ITPR1: variants seen among roughly 807,000 people sequenced by gnomAD.
The protein encoded by ITPR1 is inositol 1,4,5-trisphosphate-gated calcium channel ITPR1.
Under a neutral mutation model 318.4 loss-of-function variants are expected in ITPR1, and 96 were observed. That is an observed-to-expected ratio of 0.30 (90% CI 0.26 to 0.36). The LOEUF is 0.36. ITPR1 is among the 10% of genes least tolerant of loss of function. The probability of loss-of-function intolerance (pLI) is 1.00; values close to 1 mark genes in which losing one functional copy is unlikely to be tolerated. For synonymous variants in ITPR1, 1,312 were observed against 1,289.9 expected, an observed-to-expected ratio of 1.02 and a Z score of -0.37; for missense variants, 2,440 against 3,460.2, an observed-to-expected ratio of 0.71 and a Z score of 7.40.
chr3:4,821,175 G>T (rs1378295830), intron 60 of ITPR1, among the ~76,000 whole-genome samples: 6 of 152,248 alleles, frequency 3.9e-5, no homozygotes, highest in African/African-American at 1.4e-4. Flanking sequence ...GGAAAAGCAG[G>T]CTGGAGGGCT....
chr3:4,506,477 A>G (rs1351187288), intron 2 of ITPR1, among the ~76,000 whole-genome samples: 1 of 152,116 alleles, frequency 6.6e-6, no homozygotes, highest in Non-Finnish European at 1.5e-5. Flanking sequence ...CCAAAATTGC[A>G]TTGTCACTTA....
At chr3:4,832,799 C>T (rs1302731656) in intron 60 of ITPR1, among the ~76,000 whole-genome samples, 1 of 152,104 alleles carries the variant, frequency 6.6e-6, no homozygotes, top group African/African-American at 2.4e-5. Flanking sequence ...CCATCAAGTC[C>T]CAGGATTACA....
intron 2 of ITPR1, among the ~76,000 whole-genome samples, chr3:4,501,067 G>T (rs1240355077): frequency 6.6e-6 from 1 of 151,700 alleles, no homozygotes; most frequent in African/African-American, 2.4e-5. Flanking sequence ...TCCCTGTATT[G>T]TCCAGGTTGG....
intron 44 of ITPR1, among the ~76,000 whole-genome samples, chr3:4,753,790 G>A (rs1016548376): frequency 2.6e-5 from 4 of 152,132 alleles, no homozygotes; most frequent in African/African-American, 4.8e-5. Flanking sequence ...CGAAGGGAAC[G>A]TGGCTGGTGT....
intron 4 of ITPR1, among the ~76,000 whole-genome samples, chr3:4,549,486 C>T (rs2085342954): frequency 1.3e-5 from 2 of 152,006 alleles, no homozygotes; most frequent in African/African-American, 2.4e-5. Flanking sequence ...GGACCCCTCC[C>T]TCCCTCCCTC....
chr3:4,563,311 C>T (rs1575542860), intron 4 of ITPR1, among the ~76,000 whole-genome samples: 1 of 152,030 alleles, frequency 6.6e-6, no homozygotes, highest in South Asian at 2.1e-4. Context: ...AGTTCAAGAC[C>T]AGCCCGGGCA....
At chr3:4,658,313 A>C in intron 13 of ITPR1, 35 bp downstream of exon 13, 1 of 1,582,064 alleles carries the variant, frequency 6.3e-7, no homozygotes, top group Non-Finnish European at 8.6e-7. Flanking sequence ...CCAAAGAATC[A>C]GGCCTGGTGT....
chr3:4,715,767 T>A (rs2041721075), intron 39 of ITPR1, among the ~76,000 whole-genome samples: 1 of 152,066 alleles, frequency 6.6e-6, no homozygotes, highest in Non-Finnish European at 1.5e-5. Context: ...GCAGGAGAAT[T>A]ACTTGAACCC....
At position 4,627,891 on chromosome 3, in the gene ITPR1, A is replaced by G. The variant is rs1258422057; in HGVS notation, c.279+13A>G. On this transcript the variant is annotated intron_variant, in intron 5 of 61. Transcript: ENST00000649015. ...CAACAAACTGCACGTACGTATTGCC[A>G]TGGGGCTGTCGATGGGGCAGTAGTG... 15 of 1,568,306 alleles carry G rather than the reference A, an allele frequency of 9.6e-6. No homozygotes were observed. Among genetic ancestry groups the G allele is most frequent in the African/African-American group, 4.1e-5 (3 of 73,950 alleles).
In ITPR1 at chr3:4,536,961, C is replaced by A. The variant is rs181939645; in HGVS notation, c.163+15867C>A. Among the ~76,000 whole-genome samples, 12 of 50,146 alleles carry A rather than the reference C, an allele frequency of 2.4e-4. No individual in the cohort carries two copies. The East Asian group carries it at 4.3e-3, about 18-fold the overall frequency. 32.9% of individuals were successfully genotyped at this position (50,146 alleles called of 152,430 possible). On this transcript the variant is annotated intron_variant, in intron 4 of 61. Transcript: ENST00000649015. ...AAACAAAAGGGGGATTTTTTGGGGT[C>A]AATCCCAGACGAACAGCTGAATTGC...
At chr3:4,575,978 C>A (rs1312111899) in intron 4 of ITPR1, among the ~76,000 whole-genome samples, 1 of 151,204 alleles carries the variant, frequency 6.6e-6, no homozygotes, top group Non-Finnish European at 1.5e-5. Flanking sequence ...CATGGTCATG[C>A]CACCACACTC....
At chr3:4,809,254 G>A (rs757010858) in intron 55 of ITPR1, among the ~76,000 whole-genome samples, 24 of 152,148 alleles carry the variant, frequency 1.6e-4, no homozygotes, top group Middle Eastern at 3.4e-3. Flanking sequence ...CCAAAAATTC[G>A]CCGAAAAGGA....
In ITPR1 at chr3:4,630,561, CATTATTATT is replaced by C. The variant is rs71053435; in HGVS notation, c.279+2714_279+2722del. Among the ~76,000 whole-genome samples, 784 of 138,708 alleles carry C rather than the reference CATTATTATT, an allele frequency of 5.7e-3. 3 individuals carry two copies. The highest frequency in any genetic ancestry group is 0.015 in the African/African-American group (571 of 37,540). The allele number at this position is 138,708 out of a possible 152,430, so 91.0% of individuals were successfully genotyped here. A position where few individuals can be genotyped will look rare whatever the true frequency, so the allele number is the denominator to read the frequency against. On this transcript the variant is annotated intron_variant, in intron 5 of 61. Transcript: ENST00000649015. ...TTTTTTTACTATTTTAAATTGTCCG[CATTATTATT>C]ATTATTATTATTATTATTATTATTA... is the stretch of plus-strand genomic sequence containing the variant.
rs767713875 is a variant in ITPR1 at position 4,766,675 on chromosome 3, A to G, written c.5690A>G (p.Asp1897Gly). Residue 1897 changes from aspartate (D) to glycine (G), a missense_variant, in exon 45 of 62, where the codon GAT becomes GGT. By Grantham distance (94) the Asp-to-Gly change is moderately conservative. Transcript: ENST00000649015. ...TSDLGNKKKD[D>G]EVDRDAPSRK... is the part of the protein sequence containing the mutation. ...GACTTGGGAAATAAAAAGAAAGACGATGAGGTAGACAGGGATGCCCCATCA... is the reference window on the plus strand; with the variant it reads ...GACTTGGGAAATAAAAAGAAAGACGGTGAGGTAGACAGGGATGCCCCATCA... The G allele has an allele frequency of 6.2e-7, 1 of 1,612,732 alleles. No homozygotes were observed. The highest frequency in any genetic ancestry group is 8.5e-7 in the Non-Finnish European group (1 of 1,179,364).
At chr3:4,833,330 C>T (rs1309865019) in intron 60 of ITPR1, among the ~76,000 whole-genome samples, 1 of 152,184 alleles carries the variant, frequency 6.6e-6, no homozygotes, top group East Asian at 1.9e-4. Context: ...CGGCTATGTG[C>T]AGACTCTTGC....
At chr3:4,744,751 G>T (rs989614845) in intron 44 of ITPR1, among the ~76,000 whole-genome samples, 2 of 152,136 alleles carry the variant, frequency 1.3e-5, no homozygotes, top group Non-Finnish European at 2.9e-5. Context: ...TCATCCCCTG[G>T]TATGGCAATT....
rs147124883 is a variant in ITPR1 at position 4,777,442 on chromosome 3, A to G, written c.6291+68A>G. ...TCACTTTTGTGTTTTGCCTTGGCAC[A>G]TGCACATGGGCAATTAGTCATGAGA... On this transcript the variant is annotated intron_variant, in intron 48 of 61. Coordinates refer to ENST00000649015, the MANE Select transcript of ITPR1 (RefSeq NM_001378452.1). 631 of 902,062 alleles carry G rather than the reference A, an allele frequency of 7.0e-4. 1 individual carries two copies. The African/African-American group carries it at 8.7e-3, about 12-fold the overall frequency. 55.9% of individuals were successfully genotyped at this position (902,062 alleles called of 1,614,324 possible).
rs1380397655 is a variant in ITPR1 at position 4,787,974 on chromosome 3, C to T, written c.6643C>T (p.Gln2215Ter). 2 of 1,612,206 alleles carry T rather than the reference C, an allele frequency of 1.2e-6. No homozygotes were observed. Among genetic ancestry groups the T allele is most frequent in the South Asian group, 1.1e-5 (1 of 90,688 alleles). Reference protein sequence around the residue: ...EIVRLDRTMEQIVFPVPSICE... With the variant: ...EIVRLDRTME ...TGTCAGATTAGACCGAACAATGGAACAGATAGTCTTTCCCGTGCCCAGCAT... is the reference window on the plus strand; with the variant it reads ...TGTCAGATTAGACCGAACAATGGAATAGATAGTCTTTCCCGTGCCCAGCAT... Residue 2215 changes from glutamine (Q) to a stop codon, truncating the protein, a stop_gained, in exon 52 of 62, where the codon CAG becomes TAG. Coordinates refer to ENST00000649015, the MANE Select transcript of ITPR1 (RefSeq NM_001378452.1). LOFTEE classifies it high-confidence loss of function.
At position 4,519,467 on chromosome 3, in the gene ITPR1, C is replaced by T. The variant is rs376714806; in HGVS notation, c.93-1557C>T. On this transcript the variant is annotated intron_variant, in intron 3 of 61. Coordinates refer to ENST00000649015, the MANE Select transcript of ITPR1 (RefSeq NM_001378452.1). ...GTCTCAATCTCTTGACCTCGTGATC[C>T]GCCTGTCTCGGCCTCCCAAAGTGCT... Among the ~76,000 whole-genome samples, 31 of 152,218 alleles carry T rather than the reference C, an allele frequency of 2.0e-4. No individual in the cohort carries two copies. The South Asian group carries it at 4.4e-3, about 21-fold the overall frequency.
Sources: gnomAD v4.1 joint callset for allele counts (sites outside exome capture counted in the v4.1 genomes callset) on GRCh38, gnomAD v4.1.1 for gene constraint, MANE v1.5 for transcripts, NCBI Gene and HGNC (gene_info 2026-07-23, HGNC 2026-07-21) for gene names.